ECT2: variants seen among roughly 807,000 people sequenced by gnomAD.
ECT2 encodes protein ECT2.
In ECT2, 61 loss-of-function variants were observed where a neutral mutation model predicts 116.9. The observed-to-expected ratio is 0.52, with a 90% CI of 0.42 to 0.65. The LOEUF is 0.65. Ranked by LOEUF, ECT2 falls within the 30% of genes least tolerant of loss-of-function variation. The pLI is 0.00. For synonymous variants in ECT2, 358 were observed against 346.4 expected (o/e 1.03, Z -0.37); for missense variants, 937 against 1,078.7 (o/e 0.87, Z 1.84).
intron 24 of ECT2, among the ~76,000 whole-genome samples, chr3:172,817,485 G>A (rs957408123): frequency 3.3e-5 from 5 of 151,924 alleles, no homozygotes; most frequent in African/African-American, 7.3e-5. Context: ...TATACAGATC[G>A]GTTCCAATGA....
At chr3:172,788,838 T>TC (rs1724079045) in intron 18 of ECT2, among the ~76,000 whole-genome samples, 1 of 152,124 alleles carries the variant, frequency 6.6e-6, no homozygotes, top group Non-Finnish European at 1.5e-5. Context: ...GGCGGGTGGA[T>TC]CACGAGGTCA....
chr3:172,758,882 A>G, intron 5 of ECT2, 98 bp from the exon 6 acceptor site: 1 of 1,042,486 alleles, frequency 9.6e-7, no homozygotes, highest in East Asian at 2.5e-5. Context: ...GGAAAGTTGA[A>G]TGGCAAGAGG....
intron 23 of ECT2, among the ~76,000 whole-genome samples, chr3:172,816,261 G>A (rs1000316028): frequency 6.6e-6 from 1 of 151,836 alleles, no homozygotes; most frequent in Non-Finnish European, 1.5e-5. Flanking sequence ...TTCCCTTGGT[G>A]GGGGGGCTTT....
intron 18 of ECT2, among the ~76,000 whole-genome samples, chr3:172,794,464 G>T (rs983379714): frequency 2.0e-5 from 3 of 152,160 alleles, no homozygotes; most frequent in Non-Finnish European, 4.4e-5. Flanking sequence ...CTGTATGTCT[G>T]TGCTTATGCC....
At chr3:172,776,836 A>G (rs1489041680) in intron 14 of ECT2, among the ~76,000 whole-genome samples, 1 of 151,206 alleles carries the variant, frequency 6.6e-6, no homozygotes, top group South Asian at 2.1e-4. Flanking sequence ...ATAATATCAC[A>G]TAGTGGTTAA....
At chr3:172,791,670 A>C (rs1453908572) in intron 18 of ECT2, among the ~76,000 whole-genome samples, 1 of 152,206 alleles carries the variant, frequency 6.6e-6, no homozygotes, top group Non-Finnish European at 1.5e-5. Context: ...ACTTGGTCTG[A>C]ATTAGATAGT....
At chr3:172,784,661 C>A (rs1300918870) in intron 16 of ECT2, 46 bp from the exon 17 acceptor site, 8 of 1,436,708 alleles carry the variant, frequency 5.6e-6, no homozygotes, top group Non-Finnish European at 6.9e-6. Flanking sequence ...GGCATATAAT[C>A]TTTTCAGAAA....
downstream of ECT2, among the ~76,000 whole-genome samples, chr3:172,823,129 G>A (rs546562339): frequency 2.0e-5 from 3 of 152,062 alleles, no homozygotes; most frequent in East Asian, 1.9e-4. Context: ...ATGTAAAAAG[G>A]ATGTGAATTT....
intron 14 of ECT2, among the ~76,000 whole-genome samples, chr3:172,776,211 T>C (rs1421119000): frequency 4.7e-5 from 7 of 148,422 alleles, no homozygotes; most frequent in South Asian, 4.2e-4. Flanking sequence ...TTTTTTTTTT[T>C]TTTTTTTTTT....
chr3:172,787,328 A>G (rs557998597), intron 18 of ECT2, among the ~76,000 whole-genome samples: 2 of 151,240 alleles, frequency 1.3e-5, no homozygotes, highest in East Asian at 2.0e-4. Context: ...AAACTTCGTT[A>G]GCTCTAGAGA....
At chr3:172,812,747 T>G (rs1728996351) in intron 22 of ECT2, among the ~76,000 whole-genome samples, 1 of 152,176 alleles carries the variant, frequency 6.6e-6, no homozygotes, top group African/African-American at 2.4e-5. Context: ...AAAACATTCT[T>G]TTCTGAATTT....
At chr3:172,812,222 A>C (rs1728895598) in intron 22 of ECT2, among the ~76,000 whole-genome samples, 1 of 152,288 alleles carries the variant, frequency 6.6e-6, no homozygotes, top group East Asian at 1.9e-4. Flanking sequence ...TTGTGGCTTC[A>C]AGTGATCTGC....
intron 14 of ECT2, among the ~76,000 whole-genome samples, chr3:172,781,855 G>A (rs1476008292): frequency 6.6e-6 from 1 of 152,090 alleles, no homozygotes; most frequent in African/African-American, 2.4e-5. Context: ...ATTGAAAGTA[G>A]TTTTCTATAA....
At chr3:172,797,255 A>G (rs1725867469) in intron 18 of ECT2, among the ~76,000 whole-genome samples, 2 of 151,382 alleles carry the variant, frequency 1.3e-5, no homozygotes, top group Admixed American at 1.3e-4. Context: ...AGCTGGTCTC[A>G]AACTCCAGGG....
At chr3:172,813,210 A>G (rs1339598327) in intron 22 of ECT2, among the ~76,000 whole-genome samples, 2 of 152,134 alleles carry the variant, frequency 1.3e-5, no homozygotes, top group Non-Finnish European at 2.9e-5. Context: ...CCAGTTAGAA[A>G]GTGTAGGAAA....
intron 17 of ECT2, among the ~76,000 whole-genome samples, chr3:172,785,425 C>T (rs1029643344): frequency 1.8e-4 from 27 of 151,244 alleles, no homozygotes; most frequent in Admixed American, 1.4e-3. Flanking sequence ...AAATTATAGC[C>T]GGTAATCCCA....
intron 13 of ECT2, chr3:172,771,210 G>T (rs921098259): frequency 1.3e-5 from 2 of 152,034 alleles, no homozygotes; most frequent in African/African-American, 4.8e-5. Flanking sequence ...CCTTAAAGAT[G>T]ACTAAAGGTA....
rs772586819 is a variant in ECT2 at position 172,760,234 on chromosome 3, G to T, written c.655G>T (p.Ala219Ser). 3.7e-6 allele frequency: 6 copies of T among 1,611,160 alleles called. No individual in the cohort carries two copies. The highest frequency in any genetic ancestry group is 1.7e-4 in the Middle Eastern group (1 of 6,020). The change falls in exon 7 of 25, where the codon GCA becomes TCA. Residue 219 changes from alanine (A) to serine (S), a missense_variant. Ala to Ser is a moderately conservative substitution (Grantham distance 99). Coordinates refer to ENST00000392692, the MANE Select transcript of ECT2 (RefSeq NM_001258315.2). ...TAATTCAAAAGTTACACATTTGGTGGCAAATTGTACACAAGGAGAAAAATT... is the reference window on the plus strand; with the variant it reads ...TAATTCAAAAGTTACACATTTGGTGTCAAATTGTACACAAGGAGAAAAATT... ...DFNSKVTHLVANCTQGEKFRV... is the reference protein window; with the variant it reads ...DFNSKVTHLVSNCTQGEKFRV...
chr3:172,770,860 A>AT (rs1289174987), intron 13 of ECT2, among the ~76,000 whole-genome samples: 1 of 152,136 alleles, frequency 6.6e-6, no homozygotes, highest in Non-Finnish European at 1.5e-5. Flanking sequence ...AGAAGAGGAG[A>AT]TAAAACATAC....
Sources: gnomAD v4.1 joint callset for allele counts (sites outside exome capture counted in the v4.1 genomes callset) on GRCh38, gnomAD v4.1.1 for gene constraint, MANE v1.5 for transcripts, NCBI Gene and HGNC (gene_info 2026-07-23, HGNC 2026-07-21) for gene names.